The following LLGL1 variants were observed in gnomAD, a reference collection of about 807,000 sequenced individuals.
LLGL1 encodes the protein LLGL scribble cell polarity complex component 1, also known as lethal(2) giant larvae protein homolog 1.
Under a neutral mutation model 110.6 loss-of-function variants are expected in LLGL1, and 58 were observed. The ratio of observed to expected loss-of-function variants is 0.52; its 90% confidence interval spans 0.42 to 0.65. LLGL1 has a LOEUF of 0.65. Ranked by LOEUF, LLGL1 falls within the 30% of genes least tolerant of loss-of-function variation. The pLI, the probability that LLGL1 is intolerant of heterozygous loss-of-function variation, is 0.00. For missense variants in LLGL1, 1,229 were observed against 1,462.1 expected (o/e 0.84, Z 2.60); for synonymous variants, 674 against 607.2 (o/e 1.11, Z -1.62).
At chr17:18,235,652 C>T (rs2047676995) in intron 11 of LLGL1, 115 bp downstream of exon 11, 3 of 977,910 alleles carry the variant, frequency 3.1e-6, no homozygotes, top group Admixed American at 2.5e-5. Flanking sequence ...CTGGTGGGAC[C>T]AGGTAGTTCC....
At position 18,241,440 on chromosome 17, in the gene LLGL1, C is replaced by T. The variant is rs374409146; in HGVS notation, c.2503-11C>T. The T allele has an allele frequency of 1.6e-5, 26 of 1,607,848 alleles. No individual in the cohort carries two copies. In the African/African-American group the frequency reaches 3.3e-4, roughly 21 times the overall value. The stretch of plus-strand genomic sequence containing the variant: ...GGCCAGGCTTTGTGCTCACCAGCCA[C>T]CTGCTGTCAGGTGTTCACACTGCCC... On this transcript the variant is annotated splice_polypyrimidine_tract_variant and intron_variant, in intron 17 of 22. Transcript: ENST00000316843.
intron 2 of LLGL1, among the ~76,000 whole-genome samples, chr17:18,231,891 C>T (rs188289130): frequency 6.6e-6 from 1 of 152,282 alleles, no homozygotes; most frequent in Non-Finnish European, 1.5e-5. Context: ...AACTCCTGAC[C>T]TTGTGATCTA....
chr17:18,234,189 G>A lies in LLGL1; in HGVS notation c.714+14G>A, dbSNP rs1050830802. 4 of 1,600,986 alleles carry A rather than the reference G, an allele frequency of 2.5e-6. No homozygotes were observed. Among genetic ancestry groups the A allele is most frequent in the Non-Finnish European group, 3.4e-6 (4 of 1,171,860 alleles). The stretch of plus-strand genomic sequence containing the variant: ...CTGGGGAACCAGGTATGTAGGTGAG[G>A]CCTGTGTCCCCTCAGCCTGGGCCCC... On this transcript the variant is annotated intron_variant, in intron 6 of 22. Coordinates refer to ENST00000316843, the MANE Select transcript of LLGL1 (RefSeq NM_004140.4).
chr17:18,234,371 C>T lies in LLGL1; in HGVS notation c.813C>T (p.Phe271=), dbSNP rs114542118. Residue 271 remains phenylalanine (F), a synonymous_variant, in exon 7 of 23, where the codon TTC becomes TTT. Coordinates refer to ENST00000316843, the MANE Select transcript of LLGL1 (RefSeq NM_004140.4). ...TCTGGTCTGTGGATGCCGGCAGCTT[C>T]CCAACGCTGCAGCCCACGGTAGCCA... ...YAVWSVDAGS[F]PTLQPTVATT... is the part of the protein sequence containing the mutation. The T allele has an allele frequency of 7.8e-5, 126 of 1,612,170 alleles. No homozygotes were observed. The African/African-American group carries it at 1.5e-3, about 19-fold the overall frequency.
chr17:18,238,816 G>A (rs1481186267), intron 16 of LLGL1, among the ~76,000 whole-genome samples: 1 of 152,164 alleles, frequency 6.6e-6, no homozygotes, highest in African/African-American at 2.4e-5. Flanking sequence ...TTTGAGACCC[G>A]CCAGGCCAAC....
At chr17:18,238,249 G>A (rs1349742926) in intron 15 of LLGL1, 35 bp downstream of exon 15, 3 of 1,606,344 alleles carry the variant, frequency 1.9e-6, no homozygotes, top group Admixed American at 3.3e-5. Flanking sequence ...AGCTGTGCCT[G>A]TGTCCTGTGC....
At position 18,241,935 on chromosome 17, in the gene LLGL1, C is replaced by T. The variant is rs757193789; in HGVS notation, c.2818C>T (p.Arg940Trp). The change falls in exon 19 of 23, where the codon CGG (arginine) becomes TGG (tryptophan). Residue 940 changes from arginine (R) to tryptophan (W), a missense_variant. Arg to Trp is a moderately radical substitution (Grantham distance 101). Transcript: ENST00000316843. ...ATTTGAACGCTTCTCCCTAAGTGCC[C>T]GGAACATCACAGAGCCGCTCTGCTC... The part of the protein sequence containing the change: ...SEFERFSLSA[R>W]NITEPLCSLD... The T allele has an allele frequency of 9.9e-6, 16 of 1,614,022 alleles. No homozygotes were observed. The highest frequency in any genetic ancestry group is 1.6e-4 in the Middle Eastern group (1 of 6,084).
chr17:18,231,044 CAT>C (rs763880639), intron 2 of LLGL1, among the ~76,000 whole-genome samples: 8 of 152,174 alleles, frequency 5.3e-5, no homozygotes, highest in Non-Finnish European at 1.0e-4. Context: ...TGCGTGCGCA[CAT>C]GTGTCCCTGC....
chr17:18,232,952 G>C, intron 4 of LLGL1, 150 bp downstream of exon 4: 7 of 1,028,126 alleles, frequency 6.8e-6, no homozygotes, highest in Non-Finnish European at 8.6e-6. Flanking sequence ...TGCAGCTGTT[G>C]GACCCTGCTT....
chr17:18,237,159 C>T, intron 13 of LLGL1: 1 of 599,326 alleles, frequency 1.7e-6, no homozygotes. Flanking sequence ...CAGTGCTGTG[C>T]TCCGGCACTC....
At chr17:18,243,504 G>C (rs1295813910) in intron 22 of LLGL1, among the ~76,000 whole-genome samples, 1 of 152,232 alleles carries the variant, frequency 6.6e-6, no homozygotes, top group African/African-American at 2.4e-5. Context: ...TGAGGTGCAC[G>C]AGGTCAGGTC....
chr17:18,241,243 C>T (rs899384323), intron 17 of LLGL1: 1 of 638,236 alleles, frequency 1.6e-6, no homozygotes, highest in African/African-American at 1.8e-5. Context: ...TTGATTTTGT[C>T]ACAGATCGAG....
chr17:18,234,250 T>C, intron 6 of LLGL1, 23 bp from the exon 7 acceptor site: 2 of 1,591,818 alleles, frequency 1.3e-6, no homozygotes, highest in Non-Finnish European at 1.7e-6. Context: ...CCTGCCTGCC[T>C]GCCTGCCCCT....
At position 18,240,484 on chromosome 17, in the gene LLGL1, A is replaced by G; in HGVS notation, c.2207-94A>G. On this transcript the variant is annotated intron_variant, in intron 16 of 22. Coordinates refer to ENST00000316843, the MANE Select transcript of LLGL1 (RefSeq NM_004140.4). The surrounding 1 kb of genome is among the most constrained non-coding windows in gnomAD (Gnocchi z 5.3). ...GTCATAGTTAGGAAGCAGGGCTACA[A>G]GAGAGGCAGGGAGGGACCTGCAGTC... 1.7e-5 allele frequency: 23 copies of G among 1,393,528 alleles called. No homozygotes were observed. The highest frequency in any genetic ancestry group is 2.1e-5 in the Non-Finnish European group (22 of 1,038,056). 86.3% of individuals were successfully genotyped at this position (1,393,528 alleles called of 1,614,324 possible).
At chr17:18,232,605 C>G (rs748449032) in intron 3 of LLGL1, 29 bp downstream of exon 3, 20 of 1,614,044 alleles carry the variant, frequency 1.2e-5, no homozygotes, top group South Asian at 7.7e-5. Context: ...CTAGCCAGCT[C>G]CCTGTGGCCC....
rs2047597953 is a variant in LLGL1 at position 18,232,801 on chromosome 17, A to G, written c.391A>G (p.Ser131Gly). 1 of 1,613,734 alleles carries G rather than the reference A, an allele frequency of 6.2e-7. No individual in the cohort carries two copies. The highest frequency in any genetic ancestry group is 1.1e-5 in the South Asian group (1 of 91,068). Reference sequence around the variant, plus strand: ...CAGCCGGCCCGGCTTTGATGGTGCCAGGTACTGGAGAACTTGGCTGGGGCC... The same window carrying G: ...CAGCCGGCCCGGCTTTGATGGTGCCGGGTACTGGAGAACTTGGCTGGGGCC... ...LPSRPGFDGASAPLSLTRVTV... is the reference protein window; with the variant it reads ...LPSRPGFDGAGAPLSLTRVTV... Residue 131 changes from serine (S) to glycine (G), a missense_variant and splice_region_variant, in exon 4 of 23, where the codon AGT becomes GGT. By Grantham distance (56) the Ser-to-Gly change is moderately conservative. Coordinates refer to ENST00000316843, the MANE Select transcript of LLGL1 (RefSeq NM_004140.4).
In LLGL1 at chr17:18,240,269, G is replaced by C. The variant is rs2047797827; in HGVS notation, c.2207-309G>C. On this transcript the variant is annotated intron_variant, in intron 16 of 22. Coordinates refer to ENST00000316843, the MANE Select transcript of LLGL1 (RefSeq NM_004140.4). This position sits in a 1 kb window ranked among gnomAD's most constrained non-coding sequence, Gnocchi z 5.3. ...GGGGCTGAGGGTGCAGTGGGATGGG[G>C]CTGGAGGTCTGGTTTGGGTGCCCAT... 6.6e-6 allele frequency among the ~76,000 whole-genome samples: 1 copy of C among 152,124 alleles called. No homozygotes were observed. Among genetic ancestry groups the C allele is most frequent in the Non-Finnish European group, 1.5e-5 (1 of 68,014 alleles).
chr17:18,236,433 C>T (rs1390798980), intron 11 of LLGL1, 174 bp from the exon 12 acceptor site: 1 of 629,624 alleles, frequency 1.6e-6, no homozygotes. Flanking sequence ...AACAGGTGCA[C>T]AGTGTACCTG....
At chr17:18,236,463 C>T (rs1269522972) in intron 11 of LLGL1, 144 bp from the exon 12 acceptor site, 34 of 764,372 alleles carry the variant, frequency 4.4e-5, no homozygotes, top group Non-Finnish European at 6.0e-5. Flanking sequence ...CAGTAGGTGC[C>T]TATTGTTTTT....
Sources: gnomAD v4.1 joint callset for allele counts (sites outside exome capture counted in the v4.1 genomes callset) on GRCh38, gnomAD v4.1.1 for gene constraint, Gnocchi (gnomAD v3.1) non-coding constraint, MANE v1.5 for transcripts, NCBI Gene and HGNC (gene_info 2026-07-23, HGNC 2026-07-21) for gene names.